CALB1: variants seen among roughly 807,000 people sequenced by gnomAD.
The protein encoded by CALB1 is calbindin.
CALB1 carries 16 observed loss-of-function variants against 46.7 expected under a neutral mutation model. The observed-to-expected ratio is 0.34, with a 90% CI of 0.23 to 0.52. The LOEUF is 0.52. Ranked by LOEUF, CALB1 falls within the 20% of genes least tolerant of loss-of-function variation. The pLI is 0.95. For missense variants in CALB1, 224 were observed against 300.3 expected (o/e 0.75, Z 1.88); for synonymous variants, 90 against 112.8 (o/e 0.80, Z 1.28).
At chr8:90,071,475 G>A (rs1040523735) in intron 3 of CALB1, among the ~76,000 whole-genome samples, 2 of 152,032 alleles carry the variant, frequency 1.3e-5, no homozygotes, top group Non-Finnish European at 2.9e-5. Context: ...TCTGGAGGAC[G>A]GAGAGCCACA....
At position 90,060,215 on chromosome 8, in the gene CALB1, G is replaced by T; in HGVS notation, c.744C>A (p.Tyr248Ter). The change falls in exon 11 of 11, where the codon TAC becomes TAA. Residue 248 changes from tyrosine (Y) to a stop codon, truncating the protein, a stop_gained. Coordinates refer to ENST00000265431, the MANE Select transcript of CALB1 (RefSeq NM_004929.4). LOFTEE classifies it high-confidence loss of function. ...AGAGAATAAGAGCAAGATCCGTTCGGTACAGCTTCCCTCCATCCGACAAAG... is the reference window on the plus strand; with the variant it reads ...AGAGAATAAGAGCAAGATCCGTTCGTTACAGCTTCCCTCCATCCGACAAAG... ...IMALSDGGKL[Y>*]RTDLALILCA... The T allele has an allele frequency of 6.2e-7, 1 of 1,613,668 alleles. No homozygotes were observed. Among genetic ancestry groups the T allele is most frequent in the Non-Finnish European group, 8.5e-7 (1 of 1,179,648 alleles).
chr8:90,081,786 C>G (rs1337765932), intron 2 of CALB1, among the ~76,000 whole-genome samples: 1 of 151,892 alleles, frequency 6.6e-6, no homozygotes, highest in Non-Finnish European at 1.5e-5. Context: ...CTTCTTCCCT[C>G]CCTTCTCTGT....
Position 90,082,796 on chromosome 8 carries a change from T to G in CALB1, c.-99A>C. On this transcript the variant is annotated 5_prime_UTR_variant, in exon 1 of 11. Transcript: ENST00000265431. ...GCTCAGCGTGTGCGCGAGTCAGGGCTGCGGAGGGAGACCTGGGCGCGGGCG... is the reference window on the plus strand; with the variant it reads ...GCTCAGCGTGTGCGCGAGTCAGGGCGGCGGAGGGAGACCTGGGCGCGGGCG... 1 of 1,203,334 alleles carries G rather than the reference T, an allele frequency of 8.3e-7. No homozygotes were observed. The highest frequency in any genetic ancestry group is 1.2e-5 in the South Asian group (1 of 82,348). The allele number at this position is 1,203,334 out of a possible 1,614,324, so 74.5% of individuals were successfully genotyped here.
At chr8:90,067,435 A>T (rs3026292) in intron 5 of CALB1, among the ~76,000 whole-genome samples, 1 of 152,286 alleles carries the variant, frequency 6.6e-6, no homozygotes, top group African/African-American at 2.4e-5. Flanking sequence ...TGAACTAAAA[A>T]GGATCTTTAA....
intron 3 of CALB1, among the ~76,000 whole-genome samples, chr8:90,075,758 G>A (rs1173761916): frequency 6.6e-6 from 1 of 151,926 alleles, no homozygotes; most frequent in Non-Finnish European, 1.5e-5. Context: ...ATCACACAGT[G>A]AACCAACATG....
At chr8:90,067,613 A>G (rs1814425050) in intron 5 of CALB1, among the ~76,000 whole-genome samples, 1 of 152,156 alleles carries the variant, frequency 6.6e-6, no homozygotes. Context: ...CCATTTTGCC[A>G]TGGCCCAAAT....
intron 3 of CALB1, among the ~76,000 whole-genome samples, chr8:90,072,727 G>A (rs1017745753): frequency 1.3e-5 from 2 of 152,164 alleles, no homozygotes. Flanking sequence ...CATATAGGAG[G>A]TGTTAAGTAG....
chr8:90,068,354 C>T (rs1369634793), intron 5 of CALB1, among the ~76,000 whole-genome samples: 3 of 152,130 alleles, frequency 2.0e-5, no homozygotes, highest in Non-Finnish European at 1.5e-5. Context: ...AATTCATTCT[C>T]TAAGTTGCAG....
intron 9 of CALB1, 66 bp from the exon 10 acceptor site, chr8:90,060,766 A>G: frequency 2.4e-6 from 3 of 1,232,356 alleles, no homozygotes; most frequent in Non-Finnish European, 3.6e-6. Context: ...ATGAAGTAAA[A>G]TGGAAATAAT....
chr8:90,079,493 A>T (rs904836294), intron 2 of CALB1, among the ~76,000 whole-genome samples: 1 of 151,998 alleles, frequency 6.6e-6, no homozygotes, highest in Admixed American at 6.6e-5. Flanking sequence ...AAAGTGTTCA[A>T]CCATGGCAAT....
intron 3 of CALB1, among the ~76,000 whole-genome samples, chr8:90,069,895 G>A (rs867326049): frequency 6.6e-6 from 1 of 151,824 alleles, no homozygotes; most frequent in African/African-American, 2.4e-5. Flanking sequence ...TCCAGGGCTG[G>A]GGTTTATTTT....
At chr8:90,064,208 T>C (rs1814349575) in intron 6 of CALB1, 7 of 151,796 alleles carry the variant, frequency 4.6e-5, no homozygotes, top group Admixed American at 4.6e-4. Flanking sequence ...AGTGTTATAA[T>C]GGATATAGAT....
rs1223902878 is a variant in CALB1, at chr8:90,082,850, A to T, written c.-153T>A. On this transcript the variant is annotated 5_prime_UTR_variant, in exon 1 of 11. Transcript: ENST00000265431. The stretch of plus-strand genomic sequence containing the variant: ...CCGGGCGCTGTCCTCGGTGCTGCTC[A>T]GCTCAGCGTTCCTCCAGAGTTCTCT... The T allele has an allele frequency of 1.5e-6, 1 of 686,796 alleles. No individual in the cohort carries two copies. Among genetic ancestry groups the T allele is most frequent in the African/African-American group, 1.8e-5 (1 of 56,140 alleles). The allele number at this position is 686,796 out of a possible 1,614,324, so 42.5% of individuals were successfully genotyped here. A position where few individuals can be genotyped will look rare whatever the true frequency, so the allele number is the denominator to read the frequency against.
At chr8:90,065,208 A>T (rs1340366342) in intron 6 of CALB1, among the ~76,000 whole-genome samples, 1 of 151,728 alleles carries the variant, frequency 6.6e-6, no homozygotes, top group Non-Finnish European at 1.5e-5. Flanking sequence ...GGTTTATTTT[A>T]TCTGGAACCT....
intron 3 of CALB1, among the ~76,000 whole-genome samples, chr8:90,074,152 A>G (rs1336366388): frequency 2.6e-5 from 4 of 152,174 alleles, no homozygotes. Context: ...TTGACAAATT[A>G]TATAATAAGT....
intron 5 of CALB1, among the ~76,000 whole-genome samples, chr8:90,068,207 G>A (rs547445919): frequency 1.6e-4 from 25 of 152,280 alleles, no homozygotes; most frequent in Admixed American, 2.6e-4. Flanking sequence ...TTCACAATAA[G>A]CCTGAGAGGA....
At chr8:90,074,016 AT>A (rs77533201) in intron 3 of CALB1, among the ~76,000 whole-genome samples, 25 of 148,150 alleles carry the variant, frequency 1.7e-4, no homozygotes, top group South Asian at 4.3e-4. Flanking sequence ...CCAAGCATTC[AT>A]TTTTTTTTTT....
chr8:90,060,868 A>G (rs1203555884), intron 9 of CALB1, 168 bp from the exon 10 acceptor site: 1 of 629,376 alleles, frequency 1.6e-6, no homozygotes, highest in Non-Finnish European at 2.8e-6. Context: ...AAGCTGTAAA[A>G]TATGCAAGGT....
chr8:90,068,057 C>T (rs552071868), intron 5 of CALB1, among the ~76,000 whole-genome samples: 2 of 152,150 alleles, frequency 1.3e-5, no homozygotes, highest in South Asian at 2.1e-4. Flanking sequence ...TTTCAGATGG[C>T]GATGTTTTGG....
Sources: gnomAD v4.1 joint callset for allele counts (sites outside exome capture counted in the v4.1 genomes callset) on GRCh38, gnomAD v4.1.1 for gene constraint, MANE v1.5 for transcripts, NCBI Gene and HGNC (gene_info 2026-07-23, HGNC 2026-07-21) for gene names.